The following CNTN4 variants were observed in gnomAD, a reference collection of about 807,000 sequenced individuals.
The protein encoded by CNTN4 is contactin-4.
CNTN4 carries 77 observed loss-of-function variants against 122.5 expected under a neutral mutation model. The ratio of observed to expected loss-of-function variants is 0.63; its 90% CI spans 0.52 to 0.76. The LOEUF (loss-of-function observed/expected upper bound fraction) is 0.76. CNTN4 is among the 30% of genes least tolerant of loss of function. CNTN4 has a pLI of 0.00. For missense variants in CNTN4, 1,256 were observed against 1,259.1 expected (o/e 1.00, Z 0.04); for synonymous variants, 512 against 447.0 (o/e 1.15, Z -1.83).
chr3:3,021,576 G>C (rs1223137277), intron 14 of CNTN4, among the ~76,000 whole-genome samples: 1 of 152,128 alleles, frequency 6.6e-6, no homozygotes, highest in Non-Finnish European at 1.5e-5. Flanking sequence ...CAAGAAATTT[G>C]TTAACAAAAG....
At chr3:2,327,597 T>C (rs2043517338) in intron 2 of CNTN4, among the ~76,000 whole-genome samples, 1 of 152,156 alleles carries the variant, frequency 6.6e-6, no homozygotes, top group South Asian at 2.1e-4. Flanking sequence ...GTATACTTAG[T>C]CCTTCCCTTT....
intron 3 of CNTN4, among the ~76,000 whole-genome samples, chr3:2,429,066 CCTT>C (rs1478358121): frequency 5.9e-5 from 9 of 152,130 alleles, no homozygotes; most frequent in Non-Finnish European, 4.4e-5. Flanking sequence ...TCGTCTGAAG[CCTT>C]CTTCTCTCAA....
At chr3:2,810,745 T>G (rs375458983) in intron 6 of CNTN4, among the ~76,000 whole-genome samples, 1 of 152,250 alleles carries the variant, frequency 6.6e-6, no homozygotes, top group African/African-American at 2.4e-5. Context: ...CACTCTTCAC[T>G]GAAAGTGATT....
chr3:2,670,013 C>G (rs1224988933), intron 4 of CNTN4, among the ~76,000 whole-genome samples: 12 of 152,130 alleles, frequency 7.9e-5, no homozygotes, highest in Admixed American at 7.9e-4. Context: ...TTACTTCCAC[C>G]TATGTGGTCA....
intron 2 of CNTN4, among the ~76,000 whole-genome samples, chr3:2,274,355 C>T (rs2041417367): frequency 6.6e-6 from 1 of 150,878 alleles, no homozygotes; most frequent in South Asian, 2.1e-4. Context: ...TGCACTCCAG[C>T]CTGGACGACA....
At chr3:2,679,317 G>A (rs1259255895) in intron 4 of CNTN4, among the ~76,000 whole-genome samples, 8 of 152,140 alleles carry the variant, frequency 5.3e-5, no homozygotes, top group Admixed American at 3.9e-4. Context: ...GACTGAGGGG[G>A]AGTAGGGCAT....
At chr3:2,762,641 A>G (rs2090642628) in intron 6 of CNTN4, among the ~76,000 whole-genome samples, 1 of 152,164 alleles carries the variant, frequency 6.6e-6, no homozygotes, top group Non-Finnish European at 1.5e-5. Flanking sequence ...GAACATACAC[A>G]TGTGTGTGTC....
intron 3 of CNTN4, among the ~76,000 whole-genome samples, chr3:2,518,647 T>C (rs1332613009): frequency 6.6e-6 from 1 of 152,136 alleles, no homozygotes; most frequent in Non-Finnish European, 1.5e-5. Flanking sequence ...ATAAAAAATA[T>C]ATAACTAGTA....
intron 2 of CNTN4, among the ~76,000 whole-genome samples, chr3:2,150,558 T>C (rs1161502957): frequency 6.6e-6 from 1 of 152,216 alleles, no homozygotes; most frequent in Non-Finnish European, 1.5e-5. Context: ...CTGGGGATTC[T>C]GTAGCAGCTA....
intron 4 of CNTN4, among the ~76,000 whole-genome samples, chr3:2,593,333 C>T (rs1272397322): frequency 1.3e-5 from 2 of 152,132 alleles, no homozygotes; most frequent in East Asian, 3.8e-4. Flanking sequence ...TCATTCAGCA[C>T]CTACTAAATG....
intron 4 of CNTN4, among the ~76,000 whole-genome samples, chr3:2,591,660 G>GAAGAACTA (rs2080499615): frequency 1.9e-5 from 1 of 51,610 alleles, no homozygotes; most frequent in African/African-American, 6.5e-5. Flanking sequence ...CACCGCGCCC[G>GAAGAACTA]GCCGATTTGT....
chr3:2,627,726 C>G (rs575668361), intron 4 of CNTN4, among the ~76,000 whole-genome samples: 1 of 152,046 alleles, frequency 6.6e-6, no homozygotes, highest in African/African-American at 2.4e-5. Flanking sequence ...ATCTCCTGAC[C>G]TTGTGATCTG....
At position 2,280,191 on chromosome 3, in the gene CNTN4, C is replaced by G. The variant is rs1052079569; in HGVS notation, c.-144-58987C>G. Among the ~76,000 whole-genome samples, 4 of 152,052 alleles carry G rather than the reference C, an allele frequency of 2.6e-5. No homozygotes were observed. The East Asian group carries it at 7.7e-4, about 29-fold the overall frequency. The stretch of plus-strand genomic sequence containing the variant: ...CCCAGGCTGGTCTCAAACTCGTGGG[C>G]TCAAGTGATTCACCTGCCTCAGCCT... On this transcript the variant is annotated intron_variant, in intron 2 of 24. Transcript: ENST00000418658.
intron 5 of CNTN4, among the ~76,000 whole-genome samples, chr3:2,742,413 G>A (rs1248136928): frequency 6.6e-6 from 1 of 152,178 alleles, no homozygotes; most frequent in East Asian, 1.9e-4. Context: ...CCAGATAGAA[G>A]AAATGTTCAC....
intron 6 of CNTN4, among the ~76,000 whole-genome samples, chr3:2,803,401 TC>T (rs1359429406): frequency 1.3e-5 from 2 of 152,186 alleles, no homozygotes; most frequent in Non-Finnish European, 2.9e-5. Flanking sequence ...TATTTTCCAC[TC>T]TTAAATATAC....
chr3:2,749,169 T>C (rs1440602186), intron 6 of CNTN4, among the ~76,000 whole-genome samples: 1 of 152,114 alleles, frequency 6.6e-6, no homozygotes, highest in African/African-American at 2.4e-5. Context: ...AATTTTTTGT[T>C]TTTTTATTTT....
intron 2 of CNTN4, among the ~76,000 whole-genome samples, chr3:2,176,666 A>G (rs2036760668): frequency 6.6e-6 from 1 of 152,192 alleles, no homozygotes. Context: ...TTAGCATGAT[A>G]TGCCACAAGC....
At chr3:2,473,017 T>C (rs1437214200) in intron 3 of CNTN4, among the ~76,000 whole-genome samples, 1 of 152,052 alleles carries the variant, frequency 6.6e-6, no homozygotes, top group Non-Finnish European at 1.5e-5. Flanking sequence ...GTGGATCACC[T>C]GAGGTCAGGA....
intron 2 of CNTN4, among the ~76,000 whole-genome samples, chr3:2,284,267 A>G (rs1418224944): frequency 1.3e-5 from 2 of 152,142 alleles, no homozygotes; most frequent in African/African-American, 2.4e-5. Flanking sequence ...AGAATAGGAA[A>G]TAAGCTTTTA....
Sources: allele counts gnomAD v4.1 joint callset (sites outside exome capture counted in the v4.1 genomes callset), GRCh38; gene constraint gnomAD v4.1.1; transcripts MANE v1.5; gene names NCBI Gene and HGNC (gene_info 2026-07-23, HGNC 2026-07-21).